Variants in CADM2 observed in about 807,000 individuals in gnomAD.
The protein encoded by CADM2 is cell adhesion molecule 2.
A neutral mutation model predicts 49.8 loss-of-function variants in CADM2; 12 were observed. The observed-to-expected ratio is 0.24, with a 90% confidence interval of 0.15 to 0.39. The LOEUF (loss-of-function observed/expected upper bound fraction) is 0.39. Among genes scored for constraint, CADM2 ranks in the 10% least tolerant of loss-of-function variants. The pLI, the probability that CADM2 is intolerant of heterozygous loss-of-function variation, is 1.00. For synonymous variants in CADM2, 214 were observed against 175.4 expected (o/e 1.22, Z -1.74); for missense variants, 378 against 492.3 (o/e 0.77, Z 2.20).
chr3:85,984,416 C>T (rs1727846715), intron 8 of CADM2, among the ~76,000 whole-genome samples: 1 of 151,360 alleles, frequency 6.6e-6, no homozygotes, highest in Non-Finnish European at 1.5e-5. Flanking sequence ...TCTTTAGTAG[C>T]ATCCTCATTT....
chr3:85,453,010 C>A (rs1240877632), intron 1 of CADM2, among the ~76,000 whole-genome samples: 1 of 152,070 alleles, frequency 6.6e-6, no homozygotes, highest in Non-Finnish European at 1.5e-5. Flanking sequence ...GAAACTAAAC[C>A]TGGGTAAAAA....
At chr3:85,101,450 C>T (rs2038009507) in intron 1 of CADM2, among the ~76,000 whole-genome samples, 1 of 152,124 alleles carries the variant, frequency 6.6e-6, no homozygotes, top group Non-Finnish European at 1.5e-5. Flanking sequence ...AGATCACTTA[C>T]ATTTCTTAAA....
At chr3:85,863,877 C>G (rs1488384529) in intron 3 of CADM2, among the ~76,000 whole-genome samples, 14 of 152,140 alleles carry the variant, frequency 9.2e-5, no homozygotes, top group Non-Finnish European at 1.5e-5. Flanking sequence ...GTAGTAGCAT[C>G]TAAGAATGAA....
intron 1 of CADM2, among the ~76,000 whole-genome samples, chr3:85,316,677 G>T (rs1025710824): frequency 6.6e-6 from 1 of 152,014 alleles, no homozygotes; most frequent in Admixed American, 6.6e-5. Context: ...TGCCAAAAAT[G>T]TTGTTTGAGA....
At position 85,568,456 on chromosome 3, in the gene CADM2, T is replaced by TTTCA. The variant is rs1559915944; in HGVS notation, c.62-158063_62-158062insATTC. ...CTTTCTTTCTTTCTTTCTTTCTTTC[T>TTTCA]TTCTTTCTCTTTCTCTCTCTTTCTT... On this transcript the variant is annotated intron_variant, in intron 1 of 9. Coordinates refer to ENST00000383699, the MANE Select transcript of CADM2 (RefSeq NM_001167675.2). Among the ~76,000 whole-genome samples, 31 of 38,382 alleles carry TTTCA rather than the reference T, an allele frequency of 8.1e-4. 3 individuals are homozygous for TTTCA. Among genetic ancestry groups the TTTCA allele is most frequent in the South Asian group, 2.6e-3 (3 of 1,148 alleles). The allele number at this position is 38,382 out of a possible 152,430, so 25.2% of individuals were successfully genotyped here. A position where few individuals can be genotyped will look rare whatever the true frequency, so the allele number is the denominator to read the frequency against.
At chr3:85,578,749 A>G (rs770013253) in intron 1 of CADM2, among the ~76,000 whole-genome samples, 3 of 152,228 alleles carry the variant, frequency 2.0e-5, no homozygotes, top group Non-Finnish European at 2.9e-5. Flanking sequence ...AAATCAGATT[A>G]GATATTCTGT....
At chr3:85,755,539 A>G (rs574480964) in intron 2 of CADM2, among the ~76,000 whole-genome samples, 1 of 152,146 alleles carries the variant, frequency 6.6e-6, no homozygotes, top group Non-Finnish European at 1.5e-5. Context: ...TTGCACTACT[A>G]TAAAGATTTG....
chr3:85,375,104 A>G (rs1475139608), intron 1 of CADM2, among the ~76,000 whole-genome samples: 1 of 152,162 alleles, frequency 6.6e-6, no homozygotes, highest in Non-Finnish European at 1.5e-5. Flanking sequence ...TTTAATACAT[A>G]TTTTCCTATA....
chr3:85,043,679 A>AAAAT (rs1021118920), intron 1 of CADM2, among the ~76,000 whole-genome samples: 13 of 152,018 alleles, frequency 8.6e-5, no homozygotes, highest in African/African-American at 2.7e-4. Context: ...AGCTTGTCTC[A>AAAAT]AAATAAATAA....
At chr3:85,957,340 A>G (rs976649706) in intron 7 of CADM2, among the ~76,000 whole-genome samples, 3 of 151,744 alleles carry the variant, frequency 2.0e-5, no homozygotes, top group Admixed American at 6.6e-5. Context: ...TATTTTTCCA[A>G]TATTTTATAT....
chr3:85,617,446 A>G (rs533076924), intron 1 of CADM2, among the ~76,000 whole-genome samples: 1 of 152,324 alleles, frequency 6.6e-6, no homozygotes, highest in South Asian at 2.1e-4. Flanking sequence ...ATGGGGTTGC[A>G]GTAGCCCACC....
intron 1 of CADM2, among the ~76,000 whole-genome samples, chr3:85,274,947 G>T (rs985676972): frequency 6.6e-6 from 1 of 151,390 alleles, no homozygotes; most frequent in African/African-American, 2.4e-5. Context: ...GAGAGTCAAA[G>T]AAGAGAATGT....
In CADM2 at chr3:85,897,431, G is replaced by A. The variant is rs900703942; in HGVS notation, c.529+11104G>A. Among the ~76,000 whole-genome samples the A allele has an allele frequency of 5.4e-4, 81 of 148,772 alleles. 1 individual carries two copies. Among genetic ancestry groups the A allele is most frequent in the African/African-American group, 1.7e-3 (68 of 40,540 alleles). On this transcript the variant is annotated intron_variant, in intron 5 of 9. Coordinates refer to ENST00000383699, the MANE Select transcript of CADM2 (RefSeq NM_001167675.2). ...ACTACAGGCGCCCGCCACCGCGCCC[G>A]GCTAATTTTTTGTATTTTTAGTAGA... is the stretch of plus-strand genomic sequence containing the variant.
At chr3:86,048,736 A>G (rs1199101016) in intron 8 of CADM2, among the ~76,000 whole-genome samples, 2 of 152,124 alleles carry the variant, frequency 1.3e-5, no homozygotes, top group Non-Finnish European at 1.5e-5. Context: ...TGACATAACT[A>G]CTGTTATCTC....
At chr3:85,738,298 G>T (rs772378601) in intron 2 of CADM2, among the ~76,000 whole-genome samples, 1 of 152,194 alleles carries the variant, frequency 6.6e-6, no homozygotes, top group Non-Finnish European at 1.5e-5. Flanking sequence ...GTAATCTGAT[G>T]TTTGATTCAT....
At chr3:85,915,617 C>T (rs967787435) in intron 6 of CADM2, among the ~76,000 whole-genome samples, 1 of 152,012 alleles carries the variant, frequency 6.6e-6, no homozygotes, top group African/African-American at 2.4e-5. Context: ...ATCATGGCTG[C>T]ACTTAGATCC....
At chr3:85,449,335 C>A (rs1030435186) in intron 1 of CADM2, among the ~76,000 whole-genome samples, 4 of 151,484 alleles carry the variant, frequency 2.6e-5, no homozygotes, top group African/African-American at 9.7e-5. Context: ...TGAAATAGCT[C>A]CTGAAAGTTT....
chr3:85,425,804 G>A (rs188609518), intron 1 of CADM2, among the ~76,000 whole-genome samples: 40 of 152,302 alleles, frequency 2.6e-4, no homozygotes, highest in Middle Eastern at 3.4e-3. Context: ...CATCGCCATT[G>A]TGGAGGCTGT....
chr3:85,225,166 C>T (rs918398545), intron 1 of CADM2, among the ~76,000 whole-genome samples: 12 of 152,114 alleles, frequency 7.9e-5, no homozygotes, highest in Admixed American at 6.6e-5. Context: ...ATGGGGATAG[C>T]GTTGAATCCA....
Sources: allele counts gnomAD v4.1 joint callset (sites outside exome capture counted in the v4.1 genomes callset), GRCh38; gene constraint gnomAD v4.1.1; transcripts MANE v1.5; gene names NCBI Gene and HGNC (gene_info 2026-07-23, HGNC 2026-07-21).